The following PDE8B variants were observed in gnomAD, a reference collection of about 807,000 sequenced individuals.
PDE8B encodes the protein phosphodiesterase 8B, also known as high affinity cAMP-specific and IBMX-insensitive 3',5'-cyclic phosphodiesterase 8B.
In PDE8B, 26 loss-of-function variants were observed where a neutral mutation model predicts 101.3. The ratio of observed to expected loss-of-function variants is 0.26; its 90% CI spans 0.19 to 0.36. The LOEUF is 0.36. Ranked by LOEUF, PDE8B falls within the 10% of genes least tolerant of loss-of-function variation. PDE8B has a pLI of 1.00. For missense variants in PDE8B, 810 were observed against 1,163.1 expected (o/e 0.70, Z 4.42); for synonymous variants, 424 against 429.3 (o/e 0.99, Z 0.15).
chr5:77,424,495 A>G (rs1340085726), intron 20 of PDE8B, among the ~76,000 whole-genome samples: 1 of 152,176 alleles, frequency 6.6e-6, no homozygotes, highest in East Asian at 1.9e-4. Flanking sequence ...TGTGCAGAAT[A>G]CTCAGATTTC....
chr5:77,334,483 A>G (rs930319331), intron 5 of PDE8B, among the ~76,000 whole-genome samples: 1 of 152,164 alleles, frequency 6.6e-6, no homozygotes, highest in Non-Finnish European at 1.5e-5. Context: ...TGTTCAATTT[A>G]ACAAGTGTTT....
chr5:77,288,617 A>G (rs951766769), intron 1 of PDE8B, among the ~76,000 whole-genome samples: 1 of 152,174 alleles, frequency 6.6e-6, no homozygotes, highest in Non-Finnish European at 1.5e-5. Flanking sequence ...GACCAGAGAA[A>G]TCTGAGACTT....
At chr5:77,418,157 G>A (rs114716379) in intron 17 of PDE8B, 72 bp from the exon 18 acceptor site, 18,274 of 1,006,132 alleles carry the variant, frequency 0.018, 245 homozygotes, top group Non-Finnish European at 0.022. Flanking sequence ...CCGACCCTCC[G>A]CACAGACAAG....
chr5:77,359,062 G>T (rs1485108006), intron 10 of PDE8B, among the ~76,000 whole-genome samples: 1 of 152,122 alleles, frequency 6.6e-6, no homozygotes, highest in Non-Finnish European at 1.5e-5. Context: ...GAGCAGACAT[G>T]AATGGAATAC....
the PDE8B span, chr5:77,114,409 G>A: frequency 6.6e-6 from 1 of 152,114 alleles, no homozygotes. Flanking sequence ...ACTATCACAA[G>A]GACAGAAAAC....
chr5:77,131,462 A>C, the PDE8B span, among the ~76,000 whole-genome samples: 1 of 152,170 alleles, frequency 6.6e-6, no homozygotes, highest in Non-Finnish European at 1.5e-5. Context: ...CTAGAGATGG[A>C]TTATAAGGTA....
At chr5:77,187,793 G>A in the PDE8B span, among the ~76,000 whole-genome samples, 405 of 152,282 alleles carry the variant, frequency 2.7e-3, 1 homozygote, top group African/African-American at 9.4e-3. Context: ...AGAAGATTAA[G>A]ACAATTACAC....
intron 7 of PDE8B, among the ~76,000 whole-genome samples, chr5:77,348,787 A>T (rs1780583657): frequency 6.6e-6 from 1 of 152,136 alleles, no homozygotes; most frequent in South Asian, 2.1e-4. Context: ...GGCTCCAGTG[A>T]TCCTTCTGCC....
chr5:77,288,368 CA>C (rs1766489052), intron 1 of PDE8B, among the ~76,000 whole-genome samples: 1 of 152,214 alleles, frequency 6.6e-6, no homozygotes, highest in Non-Finnish European at 1.5e-5. Context: ...CCAAAAGCCA[CA>C]TTTTCCTTCT....
At chr5:77,319,341 T>C (rs1774514635) in intron 2 of PDE8B, among the ~76,000 whole-genome samples, 1 of 152,204 alleles carries the variant, frequency 6.6e-6, no homozygotes, top group South Asian at 2.1e-4. Context: ...AACCATAACT[T>C]TTTTTAGCCA....
intron 1 of PDE8B, among the ~76,000 whole-genome samples, chr5:77,299,982 C>T (rs1769549339): frequency 6.6e-6 from 1 of 152,164 alleles, no homozygotes; most frequent in Non-Finnish European, 1.5e-5. Context: ...TGGAGTAGGC[C>T]AGAATTGCTC....
At position 77,427,828 on chromosome 5, in the gene PDE8B, CT is replaced by C. The variant is rs1326251303; in HGVS notation, c.*1276del. 1.3e-5 allele frequency: 2 copies of C among 152,174 alleles called. No individual in the cohort carries two copies. The highest frequency in any genetic ancestry group is 3.8e-4 in the East Asian group (2 of 5,196). The allele number at this position is 152,174 out of a possible 1,614,324, so 9.4% of individuals were successfully genotyped here. A position where few individuals can be genotyped will look rare whatever the true frequency, so the allele number is the denominator to read the frequency against. On this transcript the variant is annotated 3_prime_UTR_variant, in exon 22 of 22. Coordinates refer to ENST00000264917, the MANE Select transcript of PDE8B (RefSeq NM_003719.5). ...ATAAATATTAGACTCCGTAAACAAA[CT>C]TCATTTTTCTTTCTCTGTACTTCAT...
chr5:77,089,848 C>T, the PDE8B span, among the ~76,000 whole-genome samples: 3 of 152,120 alleles, frequency 2.0e-5, no homozygotes, highest in East Asian at 1.9e-4. Flanking sequence ...CTTGTACTCC[C>T]GTTTATAGCC....
intron 1 of PDE8B, among the ~76,000 whole-genome samples, chr5:77,262,670 G>T (rs1760873662): frequency 6.6e-6 from 1 of 152,194 alleles, no homozygotes; most frequent in Non-Finnish European, 1.5e-5. Context: ...TACCGGAATT[G>T]GTTGTGCCTC....
chr5:77,279,295 G>T (rs1195449541), intron 1 of PDE8B, among the ~76,000 whole-genome samples: 1 of 152,130 alleles, frequency 6.6e-6, no homozygotes, highest in African/African-American at 2.4e-5. Flanking sequence ...AACAAAAGTT[G>T]CTATTCTTAA....
At position 77,328,970 on chromosome 5, in the gene PDE8B, T is replaced by C. The variant is rs375151381; in HGVS notation, c.591-28T>C. On this transcript the variant is annotated intron_variant, in intron 3 of 21. Coordinates refer to ENST00000264917, the MANE Select transcript of PDE8B (RefSeq NM_003719.5). ...TAATGTAACAAAGCCCAGATCACCT[T>C]GTTTGACTTGGAGCCTTCTCATTGC... is the stretch of plus-strand genomic sequence containing the variant. The C allele has an allele frequency of 3.8e-6, 6 of 1,598,824 alleles. No homozygotes were observed. The Admixed American group carries it at 5.0e-5, about 13-fold the overall frequency.
At chr5:77,268,419 C>T (rs762985554) in intron 1 of PDE8B, among the ~76,000 whole-genome samples, 3 of 151,764 alleles carry the variant, frequency 2.0e-5, no homozygotes, top group Non-Finnish European at 2.9e-5. Flanking sequence ...CTATAATCAC[C>T]CTGTTGTGCT....
intron 4 of PDE8B, among the ~76,000 whole-genome samples, chr5:77,329,687 G>A (rs1008302510): frequency 2.0e-5 from 3 of 152,228 alleles, no homozygotes; most frequent in Non-Finnish European, 4.4e-5. Flanking sequence ...AAGAAAAGTT[G>A]TCTGTGCAAG....
chr5:77,220,198 G>T (rs1025683291), intron 1 of PDE8B, among the ~76,000 whole-genome samples: 1 of 152,180 alleles, frequency 6.6e-6, no homozygotes, highest in African/African-American at 2.4e-5. Flanking sequence ...CCCAGGGTGA[G>T]GTCTCTGACA....
Sources: allele counts gnomAD v4.1 joint callset (sites outside exome capture counted in the v4.1 genomes callset), GRCh38; gene constraint gnomAD v4.1.1; transcripts MANE v1.5; gene names NCBI Gene and HGNC (gene_info 2026-07-23, HGNC 2026-07-21).